ZNF28: variants seen among roughly 807,000 people sequenced by gnomAD.
The protein encoded by ZNF28 is zinc finger protein 28.
In ZNF28, 5 loss-of-function variants were observed where a neutral mutation model predicts 7.2. That is an observed-to-expected ratio of 0.70 (90% CI 0.36 to 1.46). ZNF28 has a LOEUF of 1.46. Among genes scored for constraint, ZNF28 ranks in the 40% most tolerant of loss-of-function variants. The probability of loss-of-function intolerance (pLI) is 0.03; values close to 1 mark genes in which losing one functional copy is unlikely to be tolerated. For synonymous variants in ZNF28, 288 were observed against 292.4 expected, an observed-to-expected ratio of 0.99 and a Z score of 0.15; for missense variants, 879 against 866.6, an observed-to-expected ratio of 1.01 and a Z score of -0.18.
chr19:52,811,489 G>C (rs1482629386), intron 2 of ZNF28, among the ~76,000 whole-genome samples: 1 of 148,640 alleles, frequency 6.7e-6, no homozygotes, highest in South Asian at 2.1e-4. Flanking sequence ...GAAGTGAGGA[G>C]CGTCTCTGCC....
At chr19:52,810,856 TCTCCCC>T (rs1168202913) in intron 2 of ZNF28, 7 of 75,804 alleles carry the variant, frequency 9.2e-5, no homozygotes, top group East Asian at 7.5e-4. Flanking sequence ...TCCCTCTCCC[TCTCCCC>T]CTCCCCCTCC....
Position 52,799,840 on chromosome 19 carries a change from C to T in ZNF28, c.2005G>A (p.Gly669Ser). The T allele has an allele frequency of 6.2e-7, 1 of 1,614,004 alleles. No individual in the cohort carries two copies. The part of the protein sequence containing the change: ...GEKPYKCNEC[G>S]KVFNQQAHLA... Reference sequence around the variant, plus strand: ...TGTGCTTGTTGATTAAAAACCTTGCCACATTCATTACACTTGTAAGGTTTC... The same window carrying T: ...TGTGCTTGTTGATTAAAAACCTTGCTACATTCATTACACTTGTAAGGTTTC... Residue 669 changes from glycine (G) to serine (S), a missense_variant, in exon 4 of 4, where the codon GGC becomes AGC. Physicochemically the swap from Gly to Ser is moderately conservative, Grantham distance 56. This residue lies in a region of ZNF28 where 864 missense variants were observed against 830.2 expected (regional missense o/e 1.04). Transcript: ENST00000457749.
chr19:52,813,965 A>AT (rs1178879615), intron 2 of ZNF28, among the ~76,000 whole-genome samples: 1 of 145,838 alleles, frequency 6.9e-6, no homozygotes, highest in Non-Finnish European at 1.5e-5. Context: ...AGGGGTGGGA[A>AT]TTTTTTTTAA....
intron 2 of ZNF28, among the ~76,000 whole-genome samples, chr19:52,811,904 C>T (rs796703932): frequency 2.3e-4 from 28 of 121,390 alleles, no homozygotes; most frequent in African/African-American, 3.2e-4. Flanking sequence ...GACAGCCCCC[C>T]GCCCGGCCAG....
At chr19:52,811,567 G>A (rs1329709988) in intron 2 of ZNF28, among the ~76,000 whole-genome samples, 1 of 148,164 alleles carries the variant, frequency 6.7e-6, no homozygotes, top group African/African-American at 2.5e-5. Context: ...TGTGAGGAGC[G>A]CCTCTGCTGG....
intron 2 of ZNF28, among the ~76,000 whole-genome samples, chr19:52,812,386 T>A (rs1013765977): frequency 1.4e-5 from 2 of 138,740 alleles, no homozygotes; most frequent in African/African-American, 6.2e-5. Flanking sequence ...TGGATAGAAG[T>A]AGACATGGGA....
At chr19:52,811,860 G>A (rs1415478343) in intron 2 of ZNF28, among the ~76,000 whole-genome samples, 214 of 139,690 alleles carry the variant, frequency 1.5e-3, no homozygotes, top group African/African-American at 5.6e-3. Flanking sequence ...CCCTCTGCCC[G>A]GCCAGCCGCC....
At position 52,798,319 on chromosome 19, in the gene ZNF28, A is replaced by T. The variant is rs2062821334; in HGVS notation, c.*1369T>A. ...CCAGCCCAGTCCTCTTAACATAAAC[A>T]GTTTAATGTCAATTAATGCTTAAAC... On this transcript the variant is annotated 3_prime_UTR_variant, in exon 4 of 4. Coordinates refer to ENST00000457749, the MANE Select transcript of ZNF28 (RefSeq NM_006969.5). The T allele has an allele frequency of 6.7e-6, 2 of 298,534 alleles. No individual in the cohort carries two copies. Among genetic ancestry groups the T allele is most frequent in the African/African-American group, 4.5e-5 (2 of 44,176 alleles). 18.5% of individuals were successfully genotyped at this position (298,534 alleles called of 1,614,324 possible).
chr19:52,801,644 T>C lies in ZNF28; in HGVS notation c.201A>G (p.Glu67=). 1 of 1,613,728 alleles carries C rather than the reference T, an allele frequency of 6.2e-7. No homozygotes were observed. The highest frequency in any genetic ancestry group is 1.1e-5 in the South Asian group (1 of 91,038). Residue 67 remains glutamate, a synonymous_variant, in exon 4 of 4, where the codon GAA becomes GAG. Coordinates refer to ENST00000457749, the MANE Select transcript of ZNF28 (RefSeq NM_006969.5). The stretch of plus-strand genomic sequence containing the variant: ...TTTGCAATGTCCCTGTGTGGAACGC[T>C]TCTGTATTGCCTTGCCCTGTTGAGA... ...TFFSTGQGNT[E]AFHTGTLQRQ...
rs750997816 is a variant in ZNF28 at position 52,801,407 on chromosome 19, C to T, written c.438G>A (p.Ser146=). 1.5e-5 allele frequency: 25 copies of T among 1,614,046 alleles called. 1 individual carries two copies. The Middle Eastern group carries it at 1.2e-3, about 74-fold the overall frequency. ...GAAATATGTGCAGTTCAGGCAGATG[C>T]GAATGAAAGCTTAATCCAAGCTGAT... The part of the protein sequence containing the change: ...IKDQLGLSFH[S]HLPELHIFQP... The change falls in exon 4 of 4, where the codon TCG becomes TCA. Residue 146 remains serine (S), a synonymous_variant. Transcript: ENST00000457749.
rs1020053469 is a variant in ZNF28 at position 52,814,927 on chromosome 19, C to T, written c.15+3017G>A. ...TATGAAAACAGAATTACTCAAAGTACGAAAATCTTTTTTTGCATATATATG... is the reference window on the plus strand; with the variant it reads ...TATGAAAACAGAATTACTCAAAGTATGAAAATCTTTTTTTGCATATATATG... On this transcript the variant is annotated intron_variant, in intron 2 of 3. Coordinates refer to ENST00000457749, the MANE Select transcript of ZNF28 (RefSeq NM_006969.5). 2.1e-5 allele frequency among the ~76,000 whole-genome samples: 3 copies of T among 145,638 alleles called. 1 individual carries two copies.
At position 52,801,119 on chromosome 19, in the gene ZNF28, T is replaced by C; in HGVS notation, c.726A>G (p.Gln242=). The change falls in exon 4 of 4, where the codon CAA becomes CAG. Residue 242 remains glutamine, a synonymous_variant. Coordinates refer to ENST00000457749, the MANE Select transcript of ZNF28 (RefSeq NM_006969.5). ...CCTTGCCATATACATCACATTTACA[T>C]TGTTTCTCTTCTAAGTGGGTTATCT... ...KHQITHLEEK[Q]CKCDVYGKVF... is the part of the protein sequence containing the mutation. The C allele has an allele frequency of 6.2e-7, 1 of 1,614,132 alleles. No homozygotes were observed. Among genetic ancestry groups the C allele is most frequent in the East Asian group, 2.2e-5 (1 of 44,876 alleles).
At chr19:52,810,466 G>A in intron 2 of ZNF28, 1 of 1,592,984 alleles carries the variant, frequency 6.3e-7, no homozygotes, top group Non-Finnish European at 8.6e-7. Context: ...AAGAGTCAGT[G>A]AGGACTTCCT....
chr19:52,808,122 T>G lies in ZNF28; in HGVS notation c.27A>C (p.Thr9=). 3.1e-6 allele frequency: 5 copies of G among 1,613,240 alleles called. No homozygotes were observed. Among genetic ancestry groups the G allele is most frequent in the Non-Finnish European group, 4.2e-6 (5 of 1,179,358 alleles). ...AGAATTCTATGGCCACGTCCCTGAATGTCAATAGACCCTGAAATGGAAACA... is the reference window on the plus strand; with the variant it reads ...AGAATTCTATGGCCACGTCCCTGAAGGTCAATAGACCCTGAAATGGAAACA... MALPQGLL[T]FRDVAIEFSQ... is the part of the protein sequence containing the mutation. The change falls in exon 3 of 4, where the codon ACA becomes ACC. Residue 9 remains threonine (T), a synonymous_variant. Coordinates refer to ENST00000457749, the MANE Select transcript of ZNF28 (RefSeq NM_006969.5).
chr19:52,818,671 C>T (rs2063157429), intron 1 of ZNF28, among the ~76,000 whole-genome samples: 1 of 151,856 alleles, frequency 6.6e-6, no homozygotes, highest in African/African-American at 2.4e-5. Context: ...CGCGCCACTC[C>T]ACTCCTGCCT....
intron 2 of ZNF28, among the ~76,000 whole-genome samples, chr19:52,811,020 C>T (rs1364183459): frequency 6.8e-6 from 1 of 147,606 alleles, no homozygotes; most frequent in Non-Finnish European, 1.5e-5. Flanking sequence ...CTGCCGAGTG[C>T]CTGCGATTGC....
intron 2 of ZNF28, chr19:52,810,393 G>T: frequency 6.2e-7 from 1 of 1,604,982 alleles, no homozygotes; most frequent in Non-Finnish European, 8.5e-7. Context: ...AGTCAACCAC[G>T]TTACCATACT....
At chr19:52,821,126 A>G (rs1243209787) in intron 1 of ZNF28, among the ~76,000 whole-genome samples, 1 of 151,558 alleles carries the variant, frequency 6.6e-6, no homozygotes, top group East Asian at 2.0e-4. Context: ...CAAGAGGAGG[A>G]GGGAGGTGGG....
chr19:52,800,179 A>G lies in ZNF28; in HGVS notation c.1666T>C (p.Cys556Arg). ...TAEKPYKCEE[C>R]EKVFSRKSHM... The stretch of plus-strand genomic sequence containing the variant: ...GATTTGCGACTGAAAACTTTCTCAC[A>G]TTCTTCACATTTGTACGGTTTCTCT... The change falls in exon 4 of 4, where the codon TGT becomes CGT. Residue 556 changes from cysteine (C) to arginine (R), a missense_variant. Cys to Arg is a radical substitution (Grantham distance 180). This residue lies in a region of ZNF28 where 864 missense variants were observed against 830.2 expected (regional missense o/e 1.04). Coordinates refer to ENST00000457749, the MANE Select transcript of ZNF28 (RefSeq NM_006969.5). 6.2e-7 allele frequency: 1 copy of G among 1,613,518 alleles called. No individual in the cohort carries two copies. Among genetic ancestry groups the G allele is most frequent in the Non-Finnish European group, 8.5e-7 (1 of 1,179,850 alleles).
Sources: gnomAD v4.1 joint callset for allele counts (sites outside exome capture counted in the v4.1 genomes callset) on GRCh38, gnomAD v4.1.1 for gene constraint, gnomAD v4.1.1 regional missense constraint, MANE v1.5 for transcripts, NCBI Gene and HGNC (gene_info 2026-07-23, HGNC 2026-07-21) for gene names.